SGMS1: variants seen among roughly 807,000 people sequenced by gnomAD.
SGMS1 encodes sphingomyelin synthase 1.
In SGMS1, 13 loss-of-function variants were observed where a neutral mutation model predicts 46.2. That is an observed-to-expected ratio of 0.28 (90% CI 0.18 to 0.45). The LOEUF is 0.45. Ranked by LOEUF, SGMS1 falls within the 20% of genes least tolerant of loss-of-function variation. The pLI is 1.00. For missense variants in SGMS1, 324 were observed against 519.9 expected (o/e 0.62, Z 3.66); for synonymous variants, 203 against 187.8 (o/e 1.08, Z -0.66).
chr10:50,429,748 TTTCTC>T (rs1407797098), intron 6 of SGMS1, among the ~76,000 whole-genome samples: 3 of 148,424 alleles, frequency 2.0e-5, no homozygotes, highest in African/African-American at 7.5e-5. Flanking sequence ...CACATACTCT[TTTCTC>T]ATGACTTCAA....
chr10:50,323,796 G>T (rs1166445381), intron 8 of SGMS1, among the ~76,000 whole-genome samples: 3 of 151,994 alleles, frequency 2.0e-5, no homozygotes, highest in Non-Finnish European at 2.9e-5. Context: ...TATCAATTTG[G>T]TCTCTTAAAT....
intron 6 of SGMS1, among the ~76,000 whole-genome samples, chr10:50,393,659 T>C (rs1473363592): frequency 4.6e-5 from 7 of 152,178 alleles, no homozygotes; most frequent in African/African-American, 1.7e-4. Flanking sequence ...CCAGGGCTGA[T>C]TAAAGGCAAT....
intron 5 of SGMS1, among the ~76,000 whole-genome samples, chr10:50,444,698 C>T (rs1197905267): frequency 1.4e-5 from 2 of 144,166 alleles, no homozygotes; most frequent in Non-Finnish European, 3.0e-5. Context: ...CATATCCATC[C>T]TGGGCAACAC....
chr10:50,466,794 T>C (rs1395338664), intron 4 of SGMS1, 96 bp downstream of exon 4: 1 of 152,186 alleles, frequency 6.6e-6, no homozygotes, highest in African/African-American at 2.4e-5. Flanking sequence ...TATATTCCAA[T>C]TGCCCACAAA....
At chr10:50,336,187 T>A (rs568237003) in intron 7 of SGMS1, 1 of 152,082 alleles carries the variant, frequency 6.6e-6, no homozygotes, top group Admixed American at 6.5e-5. Context: ...GGCTAGGAGA[T>A]CCAGATGATC....
intron 6 of SGMS1, among the ~76,000 whole-genome samples, chr10:50,351,673 G>A (rs1385003424): frequency 2.6e-5 from 4 of 152,034 alleles, no homozygotes; most frequent in Non-Finnish European, 4.4e-5. Context: ...TTCTCTTGCC[G>A]CCACCATGTA....
intron 6 of SGMS1, among the ~76,000 whole-genome samples, chr10:50,370,018 A>G (rs990076803): frequency 2.6e-5 from 4 of 152,192 alleles, no homozygotes; most frequent in Non-Finnish European, 5.9e-5. Flanking sequence ...AATGCAGAAA[A>G]GGTACTGTAA....
At chr10:50,331,894 A>G (rs1589388688) in intron 7 of SGMS1, among the ~76,000 whole-genome samples, 1 of 152,282 alleles carries the variant, frequency 6.6e-6, no homozygotes, top group African/African-American at 2.4e-5. Flanking sequence ...CCCTCACTAG[A>G]TACTAATCAG....
chr10:50,476,612 G>A (rs975421574), intron 3 of SGMS1, among the ~76,000 whole-genome samples: 21 of 152,210 alleles, frequency 1.4e-4, no homozygotes, highest in African/African-American at 4.1e-4. Context: ...CTTTGTGGCA[G>A]TCTCTCCCAT....
intron 6 of SGMS1, among the ~76,000 whole-genome samples, chr10:50,363,824 G>A (rs2133422541): frequency 6.6e-6 from 1 of 152,090 alleles, no homozygotes; most frequent in South Asian, 2.1e-4. Context: ...TTTCCAAACA[G>A]TTTTATTTGT....
chr10:50,497,888 T>A (rs1837629377), intron 3 of SGMS1, among the ~76,000 whole-genome samples: 1 of 152,190 alleles, frequency 6.6e-6, no homozygotes, highest in Non-Finnish European at 1.5e-5. Flanking sequence ...AATGCATGAC[T>A]TTCAGTTAGA....
At chr10:50,342,396 G>GT (rs1847834660) in intron 7 of SGMS1, 2 of 152,178 alleles carry the variant, frequency 1.3e-5, no homozygotes, top group African/African-American at 4.8e-5. Context: ...ACACTGATCA[G>GT]TTAAATGGCT....
rs76623427 is a variant in SGMS1, at chr10:50,494,083, G to A, written c.-498+25748C>T. Among the ~76,000 whole-genome samples the A allele has an allele frequency of 7.4e-3, 1,119 of 152,228 alleles. 6 individuals are homozygous for A. Among genetic ancestry groups the A allele is most frequent in the African/African-American group, 0.024 (997 of 41,560 alleles). ...AAGTGCTGGGATTACAGGCATGAGC[G>A]CCTGGCACCTGGCCAGAATGGCTAT... On this transcript the variant is annotated intron_variant, in intron 3 of 10. Transcript: ENST00000361781.
At chr10:50,416,837 T>TAA (rs36028635) in intron 6 of SGMS1, among the ~76,000 whole-genome samples, 6,561 of 117,164 alleles carry the variant, frequency 0.056, 273 homozygotes, top group African/African-American at 0.088. Flanking sequence ...TTTATAGAAC[T>TAA]AAAAAAAAAA....
At chr10:50,487,564 G>A (rs1057118060) in intron 3 of SGMS1, among the ~76,000 whole-genome samples, 2 of 151,986 alleles carry the variant, frequency 1.3e-5, no homozygotes, top group Non-Finnish European at 2.9e-5. Flanking sequence ...TGCATATTTT[G>A]TACACGTTTT....
chr10:50,334,564 AG>A (rs1564878381), intron 7 of SGMS1: 1 of 152,188 alleles, frequency 6.6e-6, no homozygotes, highest in African/African-American at 2.4e-5. Flanking sequence ...TTTTTTTAAC[AG>A]GGGGTTTCTG....
chr10:50,307,351 T>C lies in SGMS1; in HGVS notation c.1063-30A>G. Reference sequence around the variant, plus strand: ...GATAACAAAGAAACATAAACACATTTCTTACAATCTTTCACTTTAAGTTCA... The same window carrying C: ...GATAACAAAGAAACATAAACACATTCCTTACAATCTTTCACTTTAAGTTCA... On this transcript the variant is annotated intron_variant, in intron 10 of 10. Transcript: ENST00000361781. The surrounding 1 kb of genome is among the most constrained non-coding windows in gnomAD (Gnocchi z 4.2). 1 of 1,591,896 alleles carries C rather than the reference T, an allele frequency of 6.3e-7. No homozygotes were observed. The highest frequency in any genetic ancestry group is 8.6e-7 in the Non-Finnish European group (1 of 1,165,618).
chr10:50,389,617 T>C (rs1481423957), intron 6 of SGMS1, among the ~76,000 whole-genome samples: 2 of 152,100 alleles, frequency 1.3e-5, no homozygotes, highest in Admixed American at 1.3e-4. Flanking sequence ...TTCCTGGCCA[T>C]CCCCACATGC....
intron 7 of SGMS1, among the ~76,000 whole-genome samples, chr10:50,331,813 T>TAC (rs1847627519): frequency 6.6e-6 from 1 of 151,704 alleles, no homozygotes; most frequent in South Asian, 2.1e-4. Flanking sequence ...AAATAGACAA[T>TAC]AGAGGTGGGC....
Sources: allele counts gnomAD v4.1 joint callset (sites outside exome capture counted in the v4.1 genomes callset), GRCh38; gene constraint gnomAD v4.1.1; non-coding constraint Gnocchi (gnomAD v3.1); transcripts MANE v1.5; gene names NCBI Gene and HGNC (gene_info 2026-07-23, HGNC 2026-07-21).